Variants in ANAPC5 observed in about 807,000 individuals in gnomAD.
ANAPC5 encodes the protein anaphase promoting complex subunit 5.
In ANAPC5, 60 loss-of-function variants were observed where a neutral mutation model predicts 91.3. The observed-to-expected ratio is 0.66, with a 90% CI of 0.53 to 0.81. The LOEUF (loss-of-function observed/expected upper bound fraction) is 0.81, where lower values mean the gene tolerates loss of function less well. ANAPC5 is among the 40% of genes least tolerant of loss of function. The probability of loss-of-function intolerance (pLI) is 0.00; values close to 1 mark genes in which losing one functional copy is unlikely to be tolerated. For synonymous variants in ANAPC5, 340 were observed against 364.1 expected, an observed-to-expected ratio of 0.93 and a Z score of 0.75; for missense variants, 690 against 931.5, an observed-to-expected ratio of 0.74 and a Z score of 3.37.
intron 1 of ANAPC5, among the ~76,000 whole-genome samples, chr12:121,351,447 GT>G (rs1903888842): frequency 6.6e-6 from 1 of 151,562 alleles, no homozygotes; most frequent in Non-Finnish European, 1.5e-5. Flanking sequence ...ATCAGTGCTC[GT>G]CCTTGGCTTT....
At chr12:121,352,764 T>A (rs570576327), upstream of ANAPC5, among the ~76,000 whole-genome samples, 1 of 151,962 alleles carries the variant, frequency 6.6e-6, no homozygotes, top group South Asian at 2.1e-4. Context: ...TGAGACGATA[T>A]CTCGCTATGT....
chr12:121,341,640 G>A (rs1316541220), intron 5 of ANAPC5, among the ~76,000 whole-genome samples: 1 of 152,150 alleles, frequency 6.6e-6, no homozygotes, highest in African/African-American at 2.4e-5. Context: ...TAGAATCGAG[G>A]TAATAGGTAT....
Position 121,327,010 on chromosome 12 carries a change from G to A in ANAPC5, c.1440+86C>T, listed in dbSNP as rs200039400. 1.5e-5 allele frequency: 22 copies of A among 1,478,840 alleles called. No homozygotes were observed. The East Asian group carries it at 5.2e-4, about 35-fold the overall frequency. 91.6% of individuals were successfully genotyped at this position (1,478,840 alleles called of 1,614,324 possible). A position where few individuals can be genotyped will look rare whatever the true frequency, so the allele number is the denominator to read the frequency against. On this transcript the variant is annotated intron_variant, in intron 11 of 16. Coordinates refer to ENST00000261819, the MANE Select transcript of ANAPC5 (RefSeq NM_016237.5). ...TGTCGAGCAGAACTGTCCAACACGTGTCCAGTGCTTTCCTCAAGCATTAGA... is the reference window on the plus strand; with the variant it reads ...TGTCGAGCAGAACTGTCCAACACGTATCCAGTGCTTTCCTCAAGCATTAGA...
chr12:121,339,891 T>G (rs868922560), intron 5 of ANAPC5, among the ~76,000 whole-genome samples: 1 of 146,464 alleles, frequency 6.8e-6, no homozygotes, highest in Non-Finnish European at 1.5e-5. Context: ...TTTTTTTTTT[T>G]CCCAGATGGA....
At chr12:121,352,017 C>T (rs1903910574) in intron 1 of ANAPC5, 117 bp downstream of exon 1, 2 of 930,422 alleles carry the variant, frequency 2.1e-6, no homozygotes, top group Admixed American at 3.2e-5. Flanking sequence ...TCTTCACGTT[C>T]CTCCAGGCAG....
At chr12:121,352,539 A>T (rs78035279), upstream of ANAPC5, 361 of 560,630 alleles carry the variant, frequency 6.4e-4, 3 homozygotes, top group East Asian at 8.8e-3. Context: ...CAGAATGTAC[A>T]AGAGTGCGGG....
Position 121,308,263 on chromosome 12 carries a change from T to C in ANAPC5, c.*217A>G, listed in dbSNP as rs1261965978. 8 of 531,214 alleles carry C rather than the reference T, an allele frequency of 1.5e-5. No homozygotes were observed. Among genetic ancestry groups the C allele is most frequent in the Non-Finnish European group, 2.7e-5 (8 of 295,594 alleles). 32.9% of individuals were successfully genotyped at this position (531,214 alleles called of 1,614,324 possible). A position where few individuals can be genotyped will look rare whatever the true frequency, so the allele number is the denominator to read the frequency against. Reference sequence around the variant, plus strand: ...CACTAACTTGTTAGCAAAATACCCATTTATTAAGAAAAAGTTGGTGTCCTT... The same window carrying C: ...CACTAACTTGTTAGCAAAATACCCACTTATTAAGAAAAAGTTGGTGTCCTT... On this transcript the variant is annotated 3_prime_UTR_variant, in exon 17 of 17. Transcript: ENST00000261819.
intron 15 of ANAPC5, among the ~76,000 whole-genome samples, chr12:121,314,970 C>G (rs534685932): frequency 6.6e-6 from 1 of 151,826 alleles, no homozygotes; most frequent in Admixed American, 6.6e-5. Flanking sequence ...GGAAGTTTTA[C>G]TCAAAGCATT....
At chr12:121,344,904 G>A (rs546377086) in intron 4 of ANAPC5, among the ~76,000 whole-genome samples, 29 of 152,318 alleles carry the variant, frequency 1.9e-4, no homozygotes, top group Admixed American at 1.7e-3. Flanking sequence ...AAGTTCCAAA[G>A]GGTTTAGGCA....
intron 2 of ANAPC5, chr12:121,347,519 T>A (rs1461268039): frequency 5.3e-6 from 2 of 375,396 alleles, no homozygotes; most frequent in Non-Finnish European, 9.6e-6. Context: ...TAGTCCCAGC[T>A]ACTTGGGAGT....
chr12:121,328,325 T>C lies in ANAPC5; in HGVS notation c.1295A>G (p.Tyr432Cys). Residue 432 changes from tyrosine (Y) to cysteine (C), a missense_variant, in exon 10 of 17, where the codon TAT (tyrosine) becomes TGT (cysteine). By Grantham distance (194) the Tyr-to-Cys change is radical (BLOSUM62 -2). Transcript: ENST00000261819. ...GCCTTGGGAGACCTACCTGCGGCCA[T>C]ACAGCCTCCAGATGGCCGTTTTCTG... ...IAQKTAIWRL[Y>C]GRSTMALQQA... 2 of 1,613,888 alleles carry C rather than the reference T, an allele frequency of 1.2e-6. No homozygotes were observed. Among genetic ancestry groups the C allele is most frequent in the Non-Finnish European group, 1.7e-6 (2 of 1,180,000 alleles).
chr12:121,320,376 G>A lies in ANAPC5; in HGVS notation c.1515+9C>T, dbSNP rs1424527431. The A allele has an allele frequency of 6.2e-7, 1 of 1,612,480 alleles. No individual in the cohort carries two copies. Among genetic ancestry groups the A allele is most frequent in the East Asian group, 2.2e-5 (1 of 44,868 alleles). On this transcript the variant is annotated intron_variant, in intron 12 of 16. Coordinates refer to ENST00000261819, the MANE Select transcript of ANAPC5 (RefSeq NM_016237.5). ...AAATAAATCTATTGCCATGCAAAAG[G>A]CAGATTACCTGGGCGTGCTGACTAT...
chr12:121,335,912 G>A (rs1555273419), intron 6 of ANAPC5, among the ~76,000 whole-genome samples, 189 bp from the exon 7 acceptor site: 3 of 152,108 alleles, frequency 2.0e-5, no homozygotes, highest in African/African-American at 7.2e-5. Context: ...CCCCTAGAGG[G>A]AGTCCACAAA....
chr12:121,343,862 T>C (rs1169522900), intron 4 of ANAPC5, among the ~76,000 whole-genome samples: 1 of 152,176 alleles, frequency 6.6e-6, no homozygotes. Flanking sequence ...CTCTGGACAG[T>C]GTATCTGTTT....
rs184031745 is a variant in ANAPC5 at position 121,308,287 on chromosome 12, T to C, written c.*193A>G. On this transcript the variant is annotated 3_prime_UTR_variant, in exon 17 of 17. Transcript: ENST00000261819. ...ATTTATTAAGAAAAAGTTGGTGTCC[T>C]TTGCTACCAAAAGGGAAGAAAAGGG... 492 of 570,108 alleles carry C rather than the reference T, an allele frequency of 8.6e-4. 3 individuals are homozygous for C. Among genetic ancestry groups the C allele is most frequent in the African/African-American group, 8.4e-3 (449 of 53,530 alleles). The allele number at this position is 570,108 out of a possible 1,614,324, so 35.3% of individuals were successfully genotyped here.
upstream of ANAPC5, among the ~76,000 whole-genome samples, chr12:121,353,207 A>C (rs1555275689): frequency 6.6e-6 from 1 of 152,126 alleles, no homozygotes; most frequent in Non-Finnish European, 1.5e-5. Context: ...TACAAAATCT[A>C]TACTCTGCAT....
In ANAPC5 at chr12:121,342,587, G is replaced by A. The variant is rs1484959284; in HGVS notation, c.591-518C>T. On this transcript the variant is annotated intron_variant, in intron 4 of 16. Transcript: ENST00000261819. The surrounding 1 kb of genome is among the most constrained non-coding windows in gnomAD (Gnocchi z 4.1). ...GAAGAAAACATCGAGGAGGCCAAGC[G>A]CGGTGGCTCACACCTGTAATCCCAG... Among the ~76,000 whole-genome samples, 7 of 152,198 alleles carry A rather than the reference G, an allele frequency of 4.6e-5. No individual in the cohort carries two copies. Among genetic ancestry groups the A allele is most frequent in the East Asian group, 1.9e-4 (1 of 5,180 alleles).
intron 15 of ANAPC5, among the ~76,000 whole-genome samples, chr12:121,317,017 T>C (rs1044159333): frequency 3.3e-5 from 5 of 152,124 alleles, no homozygotes; most frequent in Admixed American, 1.3e-4. Flanking sequence ...AGTCCAGTTA[T>C]GCAAACTGTT....
At chr12:121,316,226 T>C (rs560781041) in intron 15 of ANAPC5, among the ~76,000 whole-genome samples, 22 of 152,122 alleles carry the variant, frequency 1.4e-4, no homozygotes, top group African/African-American at 5.3e-4. Context: ...GAAGTGCATA[T>C]CAAAACCACA....
Sources: gnomAD v4.1 joint callset for allele counts (sites outside exome capture counted in the v4.1 genomes callset) on GRCh38, gnomAD v4.1.1 for gene constraint, Gnocchi (gnomAD v3.1) non-coding constraint, MANE v1.5 for transcripts, NCBI Gene and HGNC (gene_info 2026-07-23, HGNC 2026-07-21) for gene names.